The following OR5T2 variants were observed in gnomAD, a reference collection of about 807,000 sequenced individuals.
OR5T2 encodes olfactory receptor family 5 subfamily T member 2, also known as olfactory receptor 5T2.
Under a neutral mutation model 13.7 loss-of-function variants are expected in OR5T2, and 12 were observed. The observed-to-expected ratio is 0.88, with a 90% CI of 0.56 to 1.42. The LOEUF is 1.42. OR5T2 is among the 40% of genes most tolerant of loss of function. OR5T2 has a pLI of 0.00. For missense variants in OR5T2, 475 were observed against 372.0 expected (o/e 1.28, Z -2.28); for synonymous variants, 146 against 139.5 (o/e 1.05, Z -0.33).
In OR5T2 at chr11:56,233,096, A is replaced by G. The variant is rs755671603; in HGVS notation, c.-34T>C. On this transcript the variant is annotated 5_prime_UTR_variant, in exon 2 of 2. Transcript: ENST00000641661. ...CTAGAACAAACTTGAAGATATGCAT[A>G]AAGTTACAGTTCATATTATGACAAA... 2 of 1,605,818 alleles carry G rather than the reference A, an allele frequency of 1.2e-6. No individual in the cohort carries two copies. Among genetic ancestry groups the G allele is most frequent in the East Asian group, 4.5e-5 (2 of 44,708 alleles).
In OR5T2 at chr11:56,231,520, T is replaced by C. The variant is rs1853277995; in HGVS notation, c.*586A>G. ...TGACAACACCAGTCACAAATTCGGG[T>C]CTCTGAAACTTTGACCAACCTGCTT... is the stretch of plus-strand genomic sequence containing the variant. On this transcript the variant is annotated 3_prime_UTR_variant, in exon 2 of 2. Transcript: ENST00000641661. 1 of 152,166 alleles carries C rather than the reference T, an allele frequency of 6.6e-6. No homozygotes were observed. The highest frequency in any genetic ancestry group is 2.4e-5 in the African/African-American group (1 of 41,422). The allele number at this position is 152,166 out of a possible 1,614,324, so 9.4% of individuals were successfully genotyped here.
chr11:56,232,270 C>T lies in OR5T2; in HGVS notation c.793G>A (p.Ala265Thr), dbSNP rs1853294476. 1.2e-6 allele frequency: 2 copies of T among 1,612,708 alleles called. No individual in the cohort carries two copies. The change falls in exon 2 of 2, where the codon GCT (alanine) becomes ACT (threonine). Residue 265 changes from alanine to threonine, a missense_variant. By Grantham distance (58) the Ala-to-Thr change is moderately conservative. Transcript: ENST00000641661. The part of the protein sequence containing the change: ...FMYVRPSSSY[A>T]SDHDMIVSIF... Reference sequence around the variant, plus strand: ...GACACTATCATGTCATGGTCCGAAGCATAGCTGGAACTTGGTCTCACATAC... The same window carrying T: ...GACACTATCATGTCATGGTCCGAAGTATAGCTGGAACTTGGTCTCACATAC...
rs749851850 is a variant in OR5T2, at chr11:56,232,492, G to T, written c.571C>A (p.His191Asn). 1 of 1,607,390 alleles carries T rather than the reference G, an allele frequency of 6.2e-7. No homozygotes were observed. Among genetic ancestry groups the T allele is most frequent in the Non-Finnish European group, 8.5e-7 (1 of 1,176,534 alleles). The change falls in exon 2 of 2, where the codon CAC becomes AAC. Residue 191 changes from histidine to asparagine, a missense_variant. Coordinates refer to ENST00000641661, the MANE Select transcript of OR5T2 (RefSeq NM_001004746.4). ...PLLAISYSDTHTNQLLLFYFV... is the reference protein window; with the variant it reads ...PLLAISYSDTNTNQLLLFYFV... ...TAGAAGAGTAGAAGCTGGTTTGTGT[G>T]AGTGTCAGAATAAGAAATAGCAAGG...
chr11:56,232,453 T>C lies in OR5T2; in HGVS notation c.610A>G (p.Ile204Val), dbSNP rs1215850068. ...QLLLFYFVGS[I>V]ELVTILIVLI... ...ACAATCAGGATAGTGACCAGCTCGA[T>C]AGAGCCCACAAAGTAGAAGAGTAGA... Residue 204 changes from isoleucine to valine, a missense_variant, in exon 2 of 2, where the codon ATC becomes GTC. By Grantham distance (29) the Ile-to-Val change is conservative. Transcript: ENST00000641661. The C allele has an allele frequency of 3.1e-6, 5 of 1,607,284 alleles. No homozygotes were observed. Among genetic ancestry groups the C allele is most frequent in the Non-Finnish European group, 3.4e-6 (4 of 1,176,420 alleles).
Position 56,232,158 on chromosome 11 carries a change from A to T in OR5T2, c.905T>A (p.Met302Lys). The change falls in exon 2 of 2, where the codon ATG becomes AAG. Residue 302 changes from methionine (M) to lysine (K), a missense_variant. Met to Lys is a moderately conservative substitution (Grantham distance 95). Coordinates refer to ENST00000641661, the MANE Select transcript of OR5T2 (RefSeq NM_001004746.4). ...NKDVKDSMKK[M>K]FGKNQVINKV... is the part of the protein sequence containing the mutation. ...ATTGATAACCTGATTTTTCCCAAAC[A>T]TTTTTTTCATTGAGTCTTTTACATC... is the stretch of plus-strand genomic sequence containing the variant. The T allele has an allele frequency of 6.3e-7, 1 of 1,580,034 alleles. No homozygotes were observed. Among genetic ancestry groups the T allele is most frequent in the Non-Finnish European group, 8.6e-7 (1 of 1,168,110 alleles).
chr11:56,232,843 C>T lies in OR5T2; in HGVS notation c.220G>A (p.Val74Ile), dbSNP rs775201074. Residue 74 changes from valine to isoleucine, a missense_variant, in exon 2 of 2, where the codon GTT (valine) becomes ATT (isoleucine). Transcript: ENST00000641661. ...TCTACTAACATATTTGGGGTAATAA[C>T]TGAGGAATAGCAGGCATCCACAGAA... ...LSSVDACYSS[V>I]ITPNMLVDFT... 12 of 1,613,044 alleles carry T rather than the reference C, an allele frequency of 7.4e-6. No homozygotes were observed. Among genetic ancestry groups the T allele is most frequent in the South Asian group, 6.6e-5 (6 of 90,994 alleles).
At position 56,232,457 on chromosome 11, in the gene OR5T2, G is replaced by A. The variant is rs757984584; in HGVS notation, c.606C>T (p.Gly202=). Residue 202 remains glycine (G), a synonymous_variant, in exon 2 of 2, where the codon GGC becomes GGT. Coordinates refer to ENST00000641661, the MANE Select transcript of OR5T2 (RefSeq NM_001004746.4). ...TNQLLLFYFV[G]SIELVTILIV... ...TCAGGATAGTGACCAGCTCGATAGA[G>A]CCCACAAAGTAGAAGAGTAGAAGCT... is the stretch of plus-strand genomic sequence containing the variant. The A allele has an allele frequency of 3.6e-5, 58 of 1,606,434 alleles. No homozygotes were observed. The Admixed American group carries it at 7.4e-4, about 20-fold the overall frequency.
At position 56,233,261 on chromosome 11, in the gene OR5T2, C is replaced by T. The variant is rs1853321650; in HGVS notation, c.-199G>A. 6 of 1,192,274 alleles carry T rather than the reference C, an allele frequency of 5.0e-6. No homozygotes were observed. In the South Asian group the frequency reaches 1.1e-4, roughly 22 times the overall value. The allele number at this position is 1,192,274 out of a possible 1,614,324, so 73.9% of individuals were successfully genotyped here. On this transcript the variant is annotated 5_prime_UTR_variant, in exon 2 of 2. In the 5' UTR this introduces an upstream ATG that the reference lacks. Coordinates refer to ENST00000641661, the MANE Select transcript of OR5T2 (RefSeq NM_001004746.4). ...ACTGGTCAGCCATGTGTTCATGCCACTCACTGCAGAATCAAATGGAAGAAA... is the reference window on the plus strand; with the variant it reads ...ACTGGTCAGCCATGTGTTCATGCCATTCACTGCAGAATCAAATGGAAGAAA...
In OR5T2 at chr11:56,234,169, T is replaced by C. The variant is rs542962295; in HGVS notation, c.-203+8A>G. 6.6e-6 allele frequency: 1 copy of C among 152,216 alleles called. No individual in the cohort carries two copies. The highest frequency in any genetic ancestry group is 2.4e-5 in the African/African-American group (1 of 41,574). 9.4% of individuals were successfully genotyped at this position (152,216 alleles called of 1,614,324 possible). ...TTGCTGCAAGAACAGACATTTCTTG[T>C]ACATTACCTTATTTCACCTTTATAG... is the stretch of plus-strand genomic sequence containing the variant. On this transcript the variant is annotated splice_region_variant and intron_variant, in intron 1 of 1. Transcript: ENST00000641661.
Position 56,232,868 on chromosome 11 carries a change from A to G in OR5T2, c.195T>C (p.Ser65=), listed in dbSNP as rs760091795. Residue 65 remains serine (S), a synonymous_variant, in exon 2 of 2, where the codon TCT becomes TCC. Transcript: ENST00000641661. ...CTGAGGAATAGCAGGCATCCACAGA[A>G]GACAACATACTCAGAAAATAGTACA... ...KPMYYFLSML[S]SVDACYSSVI... 1 of 1,612,398 alleles carries G rather than the reference A, an allele frequency of 6.2e-7. No individual in the cohort carries two copies. The highest frequency in any genetic ancestry group is 8.5e-7 in the Non-Finnish European group (1 of 1,179,180).
In OR5T2 at chr11:56,233,080, A is replaced by G. The variant is rs781192424; in HGVS notation, c.-18T>C. The G allele has an allele frequency of 8.1e-6, 13 of 1,608,064 alleles. No individual in the cohort carries two copies. The highest frequency in any genetic ancestry group is 1.1e-5 in the Non-Finnish European group (13 of 1,175,524). On this transcript the variant is annotated 5_prime_UTR_variant, in exon 2 of 2. Coordinates refer to ENST00000641661, the MANE Select transcript of OR5T2 (RefSeq NM_001004746.4). ...TTCTTCATGTTGAAATCTAGAACAA[A>G]CTTGAAGATATGCATAAAGTTACAG...
At position 56,231,434 on chromosome 11, in the gene OR5T2, A is replaced by G. The variant is rs1853276304; in HGVS notation, c.*672T>C. The G allele has an allele frequency of 6.6e-6, 1 of 152,042 alleles. No homozygotes were observed. Among genetic ancestry groups the G allele is most frequent in the Admixed American group, 6.6e-5 (1 of 15,246 alleles). The allele number at this position is 152,042 out of a possible 1,614,324, so 9.4% of individuals were successfully genotyped here. On this transcript the variant is annotated 3_prime_UTR_variant, in exon 2 of 2. Coordinates refer to ENST00000641661, the MANE Select transcript of OR5T2 (RefSeq NM_001004746.4). ...TATCCTCTAATTCAGTTGCAACACT[A>G]TCTACCCAGAGATAGTGTCAGATCC...
At position 56,232,082 on chromosome 11, in the gene OR5T2, A is replaced by T; in HGVS notation, c.*24T>A. ...ACACATTCTTGGTATTGAGGTGCAG[A>T]GTATCACCCTCACCTTTTATAATTT... On this transcript the variant is annotated 3_prime_UTR_variant, in exon 2 of 2. Transcript: ENST00000641661. The T allele has an allele frequency of 6.7e-7, 1 of 1,494,176 alleles. No homozygotes were observed. Among genetic ancestry groups the T allele is most frequent in the Non-Finnish European group, 9.0e-7 (1 of 1,116,936 alleles). 92.6% of individuals were successfully genotyped at this position (1,494,176 alleles called of 1,614,324 possible).
In OR5T2 at chr11:56,232,818, T is replaced by C. The variant is rs140391300; in HGVS notation, c.245A>G (p.Asp82Gly). 1.5e-5 allele frequency: 24 copies of C among 1,613,690 alleles called. No homozygotes were observed. The highest frequency in any genetic ancestry group is 1.9e-5 in the Non-Finnish European group (22 of 1,179,870). Reference sequence around the variant, plus strand: ...AATGACTTTATTCTTTGTCGTAAAATCTACTAACATATTTGGGGTAATAAC... The same window carrying C: ...AATGACTTTATTCTTTGTCGTAAAACCTACTAACATATTTGGGGTAATAAC... Reference protein sequence around the residue: ...SSVITPNMLVDFTTKNKVISF... With the variant: ...SSVITPNMLVGFTTKNKVISF... The change falls in exon 2 of 2, where the codon GAT becomes GGT. Residue 82 changes from aspartate to glycine, a missense_variant. Transcript: ENST00000641661.
In OR5T2 at chr11:56,232,719, G is replaced by A; in HGVS notation, c.344C>T (p.Ala115Val). The A allele has an allele frequency of 5.0e-6, 8 of 1,614,174 alleles. No homozygotes were observed. The highest frequency in any genetic ancestry group is 1.3e-5 in the African/African-American group (1 of 75,058). ...GGCTACATAGCGATCATAAGCCATT[G>A]CAGCCAAGAGAAAGCATTCTGTGGT... ...FGTTECFLLA[A>V]MAYDRYVAIY... Residue 115 changes from alanine to valine, a missense_variant, in exon 2 of 2, where the codon GCA becomes GTA. Ala to Val is a moderately conservative substitution (Grantham distance 64). Transcript: ENST00000641661.
chr11:56,233,247 A>G lies in OR5T2; in HGVS notation c.-185T>C, dbSNP rs1182919039. 2 of 1,363,734 alleles carry G rather than the reference A, an allele frequency of 1.5e-6. No homozygotes were observed. The highest frequency in any genetic ancestry group is 1.5e-5 in the African/African-American group (1 of 68,654). 84.5% of individuals were successfully genotyped at this position (1,363,734 alleles called of 1,614,324 possible). Reference sequence around the variant, plus strand: ...GAAGACAGTGACAAACTGGTCAGCCATGTGTTCATGCCACTCACTGCAGAA... The same window carrying G: ...GAAGACAGTGACAAACTGGTCAGCCGTGTGTTCATGCCACTCACTGCAGAA... On this transcript the variant is annotated 5_prime_UTR_variant, in exon 2 of 2. An upstream start codon of the reference 5' UTR is lost. Coordinates refer to ENST00000641661, the MANE Select transcript of OR5T2 (RefSeq NM_001004746.4).
At position 56,231,408 on chromosome 11, in the gene OR5T2, G is replaced by T. The variant is rs998782345; in HGVS notation, c.*698C>A. Reference sequence around the variant, plus strand: ...ACACCACGTGGTAATCACCAACTGGGTATCCTCTAATTCAGTTGCAACACT... The same window carrying T: ...ACACCACGTGGTAATCACCAACTGGTTATCCTCTAATTCAGTTGCAACACT... On this transcript the variant is annotated 3_prime_UTR_variant, in exon 2 of 2. Transcript: ENST00000641661. 9.2e-5 allele frequency: 14 copies of T among 152,058 alleles called. No homozygotes were observed. Among genetic ancestry groups the T allele is most frequent in the Non-Finnish European group, 1.9e-4 (13 of 68,012 alleles). 9.4% of individuals were successfully genotyped at this position (152,058 alleles called of 1,614,324 possible).
chr11:56,233,231 G>A lies in OR5T2; in HGVS notation c.-169C>T. Reference sequence around the variant, plus strand: ...CTCTAGTAGTGAATCAGAAGACAGTGACAAACTGGTCAGCCATGTGTTCAT... The same window carrying A: ...CTCTAGTAGTGAATCAGAAGACAGTAACAAACTGGTCAGCCATGTGTTCAT... On this transcript the variant is annotated 5_prime_UTR_variant, in exon 2 of 2. Coordinates refer to ENST00000641661, the MANE Select transcript of OR5T2 (RefSeq NM_001004746.4). 1 of 1,443,336 alleles carries A rather than the reference G, an allele frequency of 6.9e-7. No individual in the cohort carries two copies. The highest frequency in any genetic ancestry group is 2.4e-5 in the East Asian group (1 of 41,726). The allele number at this position is 1,443,336 out of a possible 1,614,324, so 89.4% of individuals were successfully genotyped here.
Position 56,232,292 on chromosome 11 carries a change from A to G in OR5T2, c.771T>C (p.Tyr257=), listed in dbSNP as rs1411830807. The change falls in exon 2 of 2, where the codon TAT becomes TAC. Residue 257 remains tyrosine, a synonymous_variant. Transcript: ENST00000641661. ...AAGCATAGCTGGAACTTGGTCTCAC[A>G]TACATGAAGAGGATTGTCCCATAAT... is the stretch of plus-strand genomic sequence containing the variant. The part of the protein sequence containing the change: ...SIYYGTILFM[Y]VRPSSSYASD... 1 of 1,611,656 alleles carries G rather than the reference A, an allele frequency of 6.2e-7. No individual in the cohort carries two copies. The highest frequency in any genetic ancestry group is 1.1e-5 in the South Asian group (1 of 90,752).
Sources: allele counts gnomAD v4.1 joint callset, GRCh38; gene constraint gnomAD v4.1.1; transcripts MANE v1.5; gene names NCBI Gene and HGNC (gene_info 2026-07-23, HGNC 2026-07-21).